TGFB2: variants seen among roughly 807,000 people sequenced by gnomAD.
The protein encoded by TGFB2 is transforming growth factor beta 2.
In TGFB2, 13 loss-of-function variants were observed where a neutral mutation model predicts 42.7. That is an observed-to-expected ratio of 0.30 (90% CI 0.20 to 0.48). The LOEUF (loss-of-function observed/expected upper bound fraction) is 0.48. Ranked by LOEUF, TGFB2 falls within the 20% of genes least tolerant of loss-of-function variation. The pLI, the probability that TGFB2 is intolerant of heterozygous loss-of-function variation, is 0.99. For synonymous variants in TGFB2, 193 were observed against 193.6 expected (o/e 1.00, Z 0.03); for missense variants, 390 against 517.5 (o/e 0.75, Z 2.39).
Position 218,407,755 on chromosome 1 carries a change from A to G in TGFB2, c.510+2423A>G, listed in dbSNP as rs112015249. On this transcript the variant is annotated intron_variant, in intron 2 of 6. Transcript: ENST00000366930. Reference sequence around the variant, plus strand: ...AATGGCAGGGCTGGGATACAAATCCACCTCGGACTCCCAAGTCCCTCCTGC... The same window carrying G: ...AATGGCAGGGCTGGGATACAAATCCGCCTCGGACTCCCAAGTCCCTCCTGC... Among the ~76,000 whole-genome samples the G allele has an allele frequency of 9.0e-3, 1,363 of 152,212 alleles. 20 individuals are homozygous for G. The highest frequency in any genetic ancestry group is 0.028 in the African/African-American group (1,165 of 41,536).
At chr1:218,359,571 G>A (rs1657147322) in intron 1 of TGFB2, among the ~76,000 whole-genome samples, 1 of 152,206 alleles carries the variant, frequency 6.6e-6, no homozygotes. Context: ...TTTATTAACT[G>A]TTTGTCACAA....
Position 218,345,546 on chromosome 1 carries a change from GC to G in TGFB2, c.-1155del, listed in dbSNP as rs1169425974. On this transcript the variant is annotated 5_prime_UTR_variant, in exon 1 of 7. Coordinates refer to ENST00000366930, the MANE Select transcript of TGFB2 (RefSeq NM_003238.6). ...CAGGAACAAACTGAGGGGCTGCCCGGCTGCAGACAGGAGGAGACAGAGAGGA... is the reference window on the plus strand; with the variant it reads ...CAGGAACAAACTGAGGGGCTGCCCGGTGCAGACAGGAGGAGACAGAGAGGA... 3 of 152,968 alleles carry G rather than the reference GC, an allele frequency of 2.0e-5. No individual in the cohort carries two copies. The highest frequency in any genetic ancestry group is 7.2e-5 in the African/African-American group (3 of 41,476). The allele number at this position is 152,968 out of a possible 1,614,324, so 9.5% of individuals were successfully genotyped here.
chr1:218,399,018 G>A (rs1235849881), intron 1 of TGFB2, among the ~76,000 whole-genome samples: 2 of 152,158 alleles, frequency 1.3e-5, no homozygotes, highest in Admixed American at 1.3e-4. Context: ...AAGTAGGTGG[G>A]AGTTACAGGC....
Position 218,412,466 on chromosome 1 carries a change from A to G in TGFB2, c.510+7134A>G, listed in dbSNP as rs1033274276. ...ACAGGAGTGGGTTTGGTTAATTGGT[A>G]TGCATAGTATTACGTCAGAACGACC... is the stretch of plus-strand genomic sequence containing the variant. On this transcript the variant is annotated intron_variant, in intron 2 of 6. Transcript: ENST00000366930. Among the ~76,000 whole-genome samples, 5 of 152,216 alleles carry G rather than the reference A, an allele frequency of 3.3e-5. No homozygotes were observed. In the South Asian group the frequency reaches 6.2e-4, roughly 19 times the overall value.
rs1032360658 is a variant in TGFB2, at chr1:218,387,950, C to A, written c.347-17219C>A. 5.3e-5 allele frequency among the ~76,000 whole-genome samples: 8 copies of A among 152,030 alleles called. No individual in the cohort carries two copies. The South Asian group carries it at 6.2e-4, about 12-fold the overall frequency. ...CATGTCTTTTTCTATGTCCCCCCAC[C>A]CCCACTGGCATTATTCTACATGGAA... On this transcript the variant is annotated intron_variant, in intron 1 of 6. Coordinates refer to ENST00000366930, the MANE Select transcript of TGFB2 (RefSeq NM_003238.6).
intron 1 of TGFB2, among the ~76,000 whole-genome samples, chr1:218,358,921 A>G (rs1657126286): frequency 6.6e-6 from 1 of 152,174 alleles, no homozygotes; most frequent in African/African-American, 2.4e-5. Flanking sequence ...CTTTAGACAG[A>G]TAAAGAAACA....
Position 218,442,343 on chromosome 1 carries a change from C to G in TGFB2, c.*981C>G, listed in dbSNP as rs1660182014. 5 of 152,068 alleles carry G rather than the reference C, an allele frequency of 3.3e-5. No homozygotes were observed. The highest frequency in any genetic ancestry group is 1.9e-4 in the East Asian group (1 of 5,180). 9.4% of individuals were successfully genotyped at this position (152,068 alleles called of 1,614,324 possible). ...TTATTAAAATAGATGGATATAGAAG[C>G]CAGCATAATTGAAAACACATCTGCA... is the stretch of plus-strand genomic sequence containing the variant. On this transcript the variant is annotated 3_prime_UTR_variant, in exon 7 of 7. Transcript: ENST00000366930.
intron 6 of TGFB2, 42 bp downstream of exon 6, chr1:218,437,538 C>A: frequency 1.3e-6 from 2 of 1,554,582 alleles, no homozygotes; most frequent in Non-Finnish European, 1.7e-6. Flanking sequence ...CTTGGGTTAC[C>A]ATGTGCACCT....
At chr1:218,369,255 A>G (rs1657490281) in intron 1 of TGFB2, among the ~76,000 whole-genome samples, 1 of 92,630 alleles carries the variant, frequency 1.1e-5, no homozygotes, top group Non-Finnish European at 2.0e-5. Flanking sequence ...ATTCCGTCTC[A>G]GAAAAAAAAA....
chr1:218,356,661 CG>C (rs1427472907), intron 1 of TGFB2, among the ~76,000 whole-genome samples: 2 of 152,244 alleles, frequency 1.3e-5, no homozygotes, highest in Middle Eastern at 3.4e-3. Context: ...GACATGCAGG[CG>C]GGGCTTCTAT....
At chr1:218,361,882 A>C (rs1657223022) in intron 1 of TGFB2, among the ~76,000 whole-genome samples, 1 of 152,232 alleles carries the variant, frequency 6.6e-6, no homozygotes, top group Non-Finnish European at 1.5e-5. Flanking sequence ...ATGTGAGCAG[A>C]TGTCAGCTGG....
At chr1:218,395,237 C>T (rs1658463304) in intron 1 of TGFB2, among the ~76,000 whole-genome samples, 1 of 152,178 alleles carries the variant, frequency 6.6e-6, no homozygotes, top group Non-Finnish European at 1.5e-5. Flanking sequence ...TAGTAAAGTG[C>T]TTCTCACTGG....
chr1:218,388,702 G>A (rs932762409), intron 1 of TGFB2, among the ~76,000 whole-genome samples: 6 of 152,128 alleles, frequency 3.9e-5, no homozygotes, highest in Non-Finnish European at 4.4e-5. Context: ...CTCCATCCTG[G>A]TCCCTTCCAG....
intron 1 of TGFB2, among the ~76,000 whole-genome samples, chr1:218,376,386 A>G (rs1349041638): frequency 1.3e-5 from 2 of 152,222 alleles, no homozygotes; most frequent in Non-Finnish European, 2.9e-5. Flanking sequence ...CATGACCTAC[A>G]AAATTTTGTT....
At chr1:218,429,674 G>A (rs2102621248) in intron 2 of TGFB2, among the ~76,000 whole-genome samples, 1 of 152,258 alleles carries the variant, frequency 6.6e-6, no homozygotes, top group South Asian at 2.1e-4. Context: ...CTAGCAAACT[G>A]TTTTCCAAAA....
rs566421221 is a variant in TGFB2 at position 218,350,142 on chromosome 1, A to G, written c.346+3095A>G. Reference sequence around the variant, plus strand: ...AAAGGGTGATTCAGTTATACACAGGAAGAATTCAAATAATTGACATGTAAG... The same window carrying G: ...AAAGGGTGATTCAGTTATACACAGGGAGAATTCAAATAATTGACATGTAAG... On this transcript the variant is annotated intron_variant, in intron 1 of 6. Transcript: ENST00000366930. 8.5e-5 allele frequency among the ~76,000 whole-genome samples: 13 copies of G among 152,358 alleles called. No homozygotes were observed. In the East Asian group the frequency reaches 2.5e-3, roughly 29 times the overall value.
intron 1 of TGFB2, among the ~76,000 whole-genome samples, chr1:218,351,216 C>G (rs1039276090): frequency 6.6e-6 from 1 of 152,126 alleles, no homozygotes; most frequent in African/African-American, 2.4e-5. Context: ...AAAATGTTAG[C>G]GATTGCTGGA....
intron 6 of TGFB2, among the ~76,000 whole-genome samples, chr1:218,438,536 A>G (rs2798631): frequency 0.64 from 96,815 of 151,986 alleles, 33,164 homozygotes; most frequent in African/African-American, 0.9. Flanking sequence ...TATGAAGTAC[A>G]AAAGATGATA....
intron 1 of TGFB2, among the ~76,000 whole-genome samples, chr1:218,352,559 A>T (rs1335593857): frequency 6.6e-6 from 1 of 152,180 alleles, no homozygotes; most frequent in Non-Finnish European, 1.5e-5. Flanking sequence ...TGCTTCTGTC[A>T]TTTGTTTGGA....
Sources: gnomAD v4.1 joint callset for allele counts (sites outside exome capture counted in the v4.1 genomes callset) on GRCh38, gnomAD v4.1.1 for gene constraint, MANE v1.5 for transcripts, NCBI Gene and HGNC (gene_info 2026-07-23, HGNC 2026-07-21) for gene names.